Variants in ALCAM observed in about 807,000 individuals in gnomAD.
ALCAM encodes activated leukocyte cell adhesion molecule.
A neutral mutation model predicts 70.9 loss-of-function variants in ALCAM; 30 were observed. The ratio of observed to expected loss-of-function variants is 0.42; its 90% CI spans 0.32 to 0.57. ALCAM has a LOEUF of 0.57. ALCAM is among the 20% of genes least tolerant of loss of function. ALCAM has a pLI of 0.11. For missense variants in ALCAM, 591 were observed against 695.1 expected, an observed-to-expected ratio of 0.85 and a Z score of 1.68; for synonymous variants, 249 against 242.5, an observed-to-expected ratio of 1.03 and a Z score of -0.25.
chr3:105,512,081 T>C (rs1331274140), intron 1 of ALCAM, among the ~76,000 whole-genome samples: 1 of 152,040 alleles, frequency 6.6e-6, no homozygotes, highest in Non-Finnish European at 1.5e-5. Flanking sequence ...GTCTTTGTGA[T>C]ATATTTTTTC....
At chr3:105,543,703 C>T (rs1235082416) in intron 8 of ALCAM, among the ~76,000 whole-genome samples, 1 of 151,638 alleles carries the variant, frequency 6.6e-6, no homozygotes, top group Non-Finnish European at 1.5e-5. Context: ...TCAGAGCTTT[C>T]AAAGTCCATC....
chr3:105,528,842 C>T (rs750944350), intron 3 of ALCAM, among the ~76,000 whole-genome samples: 60 of 152,148 alleles, frequency 3.9e-4, no homozygotes, highest in Non-Finnish European at 7.1e-4. Flanking sequence ...ATAACTTTAC[C>T]TATGTAACAA....
chr3:105,535,130 C>T (rs1939938313), intron 6 of ALCAM, among the ~76,000 whole-genome samples: 2 of 152,058 alleles, frequency 1.3e-5, no homozygotes, highest in African/African-American at 4.8e-5. Context: ...AACTTATTTT[C>T]TGGATGAATG....
At chr3:105,568,799 A>T (rs558022677) in intron 14 of ALCAM, among the ~76,000 whole-genome samples, 2 of 152,308 alleles carry the variant, frequency 1.3e-5, no homozygotes, top group East Asian at 3.9e-4. Flanking sequence ...ACTCTCAAAT[A>T]CATTCACATA....
intron 1 of ALCAM, among the ~76,000 whole-genome samples, chr3:105,399,696 T>C (rs900815550): frequency 1.3e-5 from 2 of 152,198 alleles, no homozygotes; most frequent in African/African-American, 4.8e-5. Context: ...TTTATGTTTT[T>C]TGACCAATCT....
chr3:105,387,147 G>T (rs1182406914), intron 1 of ALCAM, among the ~76,000 whole-genome samples: 1 of 151,454 alleles, frequency 6.6e-6, no homozygotes, highest in Non-Finnish European at 1.5e-5. Context: ...GTCTGTAGTA[G>T]TCTCACAGGC....
At chr3:105,561,361 T>C (rs6766965) in intron 14 of ALCAM, among the ~76,000 whole-genome samples, 64,404 of 151,870 alleles carry the variant, frequency 0.42, 14,656 homozygotes, top group East Asian at 0.68. Flanking sequence ...CTATATGCCA[T>C]ATATTTCTTT....
intron 1 of ALCAM, among the ~76,000 whole-genome samples, chr3:105,452,201 C>A (rs1211783985): frequency 6.6e-6 from 1 of 151,598 alleles, no homozygotes; most frequent in African/African-American, 2.4e-5. Flanking sequence ...ATTGACCCAT[C>A]CTCTAAGTTC....
intron 1 of ALCAM, among the ~76,000 whole-genome samples, chr3:105,517,103 G>A (rs1207030959): frequency 1.3e-5 from 2 of 152,010 alleles, no homozygotes; most frequent in Non-Finnish European, 2.9e-5. Context: ...AAATTAGGAC[G>A]TAATTTATCA....
intron 1 of ALCAM, among the ~76,000 whole-genome samples, chr3:105,440,624 T>C (rs1427026490): frequency 6.6e-6 from 1 of 152,200 alleles, no homozygotes; most frequent in Non-Finnish European, 1.5e-5. Flanking sequence ...TTTGCTGAAT[T>C]ACTGACCTCT....
chr3:105,403,546 T>A (rs1486180880), intron 1 of ALCAM, among the ~76,000 whole-genome samples: 1 of 151,964 alleles, frequency 6.6e-6, no homozygotes, highest in Non-Finnish European at 1.5e-5. Flanking sequence ...GAACACCACA[T>A]CAAGGGAGCA....
At position 105,461,237 on chromosome 3, in the gene ALCAM, G is replaced by T. The variant is rs1937601151; in HGVS notation, c.74-58830G>T. On this transcript the variant is annotated intron_variant, in intron 1 of 15. Transcript: ENST00000306107. ...GCCAAAGAAGAATGCAGGCCAGTGTGACCAAATTTGGTGTTTTTCCAAGAG... is the reference window on the plus strand; with the variant it reads ...GCCAAAGAAGAATGCAGGCCAGTGTTACCAAATTTGGTGTTTTTCCAAGAG... Among the ~76,000 whole-genome samples, 2 of 151,742 alleles carry T rather than the reference G, an allele frequency of 1.3e-5. 1 individual carries two copies. Among genetic ancestry groups the T allele is most frequent in the Admixed American group, 1.3e-4 (2 of 15,204 alleles).
At chr3:105,522,221 C>G (rs1178300612) in intron 2 of ALCAM, among the ~76,000 whole-genome samples, 2 of 152,082 alleles carry the variant, frequency 1.3e-5, no homozygotes, top group Non-Finnish European at 2.9e-5. Context: ...ATTTTTAGTT[C>G]AGCAAAAGTC....
In ALCAM at chr3:105,446,761, CA is replaced by C. The variant is rs1460929979; in HGVS notation, c.74-73303del. On this transcript the variant is annotated intron_variant, in intron 1 of 15. Transcript: ENST00000306107. Reference sequence around the variant, plus strand: ...GTGAAATAAGCAAGACAAAGAAAGACAAAGGCCTTCCTTATTATCTCACTTA... The same window carrying C: ...GTGAAATAAGCAAGACAAAGAAAGACAAGGCCTTCCTTATTATCTCACTTA... Among the ~76,000 whole-genome samples the C allele has an allele frequency of 2.6e-5, 4 of 152,074 alleles. No homozygotes were observed. The East Asian group carries it at 7.7e-4, about 29-fold the overall frequency.
At chr3:105,389,537 A>G (rs1354147834) in intron 1 of ALCAM, among the ~76,000 whole-genome samples, 1 of 151,292 alleles carries the variant, frequency 6.6e-6, no homozygotes, top group Non-Finnish European at 1.5e-5. Flanking sequence ...CATTATTTTA[A>G]AATAAACTAC....
intron 7 of ALCAM, among the ~76,000 whole-genome samples, chr3:105,540,778 A>C (rs1324588272): frequency 1.3e-5 from 2 of 152,136 alleles, no homozygotes; most frequent in South Asian, 4.1e-4. Flanking sequence ...ATGCAACTCA[A>C]TACTGCATTT....
intron 1 of ALCAM, among the ~76,000 whole-genome samples, chr3:105,473,003 C>A (rs1387859533): frequency 6.6e-6 from 1 of 151,298 alleles, no homozygotes; most frequent in Non-Finnish European, 1.5e-5. Flanking sequence ...TCTTTTAATA[C>A]AAAAATATAT....
At chr3:105,545,164 A>G (rs1386623240) in intron 8 of ALCAM, 59 bp from the exon 9 acceptor site, 6 of 1,131,964 alleles carry the variant, frequency 5.3e-6, no homozygotes, top group Non-Finnish European at 8.1e-6. Flanking sequence ...CTTCTCCAAA[A>G]TATTTTGACT....
chr3:105,386,003 C>T (rs1935643570), intron 1 of ALCAM, among the ~76,000 whole-genome samples: 1 of 151,502 alleles, frequency 6.6e-6, no homozygotes, highest in Non-Finnish European at 1.5e-5. Context: ...AAAACTACTC[C>T]CTCATGGGTG....
Sources: gnomAD v4.1 joint callset for allele counts (sites outside exome capture counted in the v4.1 genomes callset) on GRCh38, gnomAD v4.1.1 for gene constraint, MANE v1.5 for transcripts, NCBI Gene and HGNC (gene_info 2026-07-23, HGNC 2026-07-21) for gene names.